PNCK: variants seen among roughly 807,000 people sequenced by gnomAD.
The protein encoded by PNCK is calcium/calmodulin-dependent protein kinase type 1B.
Under a neutral mutation model 28.3 loss-of-function variants are expected in PNCK, and 21 were observed. That is an observed-to-expected ratio of 0.74 (90% CI 0.53 to 1.07). The LOEUF is 1.07. Among genes scored for constraint, PNCK ranks in the 50% least tolerant of loss-of-function variants. The probability of loss-of-function intolerance (pLI) is 0.00; values close to 1 mark genes in which losing one functional copy is unlikely to be tolerated. For missense variants in PNCK, 250 were observed against 298.3 expected (o/e 0.84, Z 1.19); for synonymous variants, 136 against 125.2 (o/e 1.09, Z -0.58).
chrX:153,672,753 G>A, intron 2 of PNCK, 56 bp from the exon 3 acceptor site: 1 of 1,149,947 alleles, frequency 8.7e-7, no homozygotes, highest in Non-Finnish European at 1.2e-6. Flanking sequence ...AGGAGAGGCA[G>A]GAGGGAGAGA....
At chrX:153,672,824 A>G (rs782471479) in intron 2 of PNCK, 127 bp from the exon 3 acceptor site, 13 of 920,787 alleles carry the variant, frequency 1.4e-5, no homozygotes, top group Non-Finnish European at 1.8e-5. Flanking sequence ...GCCCTGTGCC[A>G]CCCCCCACCA....
At chrX:153,677,375 A>G (rs781824226), upstream of PNCK, among the ~76,000 whole-genome samples, 3 of 109,971 alleles carry the variant, frequency 2.7e-5, no homozygotes, top group African/African-American at 9.9e-5. Flanking sequence ...AACCGGTCCT[A>G]GAAGCAGCCG....
intron 1 of PNCK, among the ~76,000 whole-genome samples, chrX:153,681,428 C>A (rs1472052710): frequency 9.0e-6 from 1 of 111,616 alleles, no homozygotes; most frequent in Admixed American, 9.5e-5. Flanking sequence ...AGGCGCTTCA[C>A]CCCCGTGGTC....
chrX:153,669,848 GAC>G lies in PNCK; in HGVS notation c.*288_*289del, dbSNP rs2091270255. On this transcript the variant is annotated 3_prime_UTR_variant, in exon 12 of 12. Transcript: ENST00000340888. ...AAGCACACAACAGCCGTGCAGGAAAGACAGCCCCTGAGGCCCGCCTGCCAGCA... is the reference window on the plus strand; with the variant it reads ...AAGCACACAACAGCCGTGCAGGAAAGAGCCCCTGAGGCCCGCCTGCCAGCA... The G allele has an allele frequency of 8.8e-6, 3 of 342,802 alleles. No homozygotes were observed. The highest frequency in any genetic ancestry group is 1.8e-5 in the Non-Finnish European group (3 of 170,253). The allele number at this position is 342,802 out of a possible 1,213,427, so 28.3% of individuals were successfully genotyped here.
intron 1 of PNCK, among the ~76,000 whole-genome samples, chrX:153,680,138 T>C (rs1443292233): frequency 1.8e-5 from 2 of 110,069 alleles, no homozygotes; most frequent in Non-Finnish European, 3.8e-5. Flanking sequence ...TTGAAATGTA[T>C]GTGTGTTGGT....
chrX:153,685,145 G>A (rs781940496), intron 1 of PNCK, among the ~76,000 whole-genome samples: 7 of 107,047 alleles, frequency 6.5e-5, no homozygotes, highest in East Asian at 6.1e-4. Flanking sequence ...AAGGGCTGGC[G>A]GGGGACAGCT....
intron 11 of PNCK, 33 bp downstream of exon 11, chrX:153,670,417 G>A (rs2091279070): frequency 1.7e-6 from 2 of 1,208,637 alleles, no homozygotes; most frequent in African/African-American, 3.5e-5. Context: ...CAAGGAGCCA[G>A]CTCCTGGGCG....
rs1557039369 is a variant in PNCK at position 153,670,608 on chromosome X, G to C, written c.895-14C>G. 8.3e-7 allele frequency: 1 copy of C among 1,207,637 alleles called. No individual in the cohort carries two copies. Among genetic ancestry groups the C allele is most frequent in the Admixed American group, 2.2e-5 (1 of 45,924 alleles). On this transcript the variant is annotated splice_polypyrimidine_tract_variant and intron_variant, in intron 10 of 11. Transcript: ENST00000340888. ...ATTGAAGGCTCGCTGCCAGAAGAGA[G>C]GGAGATCAGGCCAGGCCTGGGCCCA...
At position 153,673,133 on chromosome X, in the gene PNCK, G is replaced by C. The variant is rs1484490191; in HGVS notation, c.-2-55C>G. 5.7e-5 allele frequency: 67 copies of C among 1,174,393 alleles called. No individual in the cohort carries two copies. In the South Asian group the frequency reaches 1.2e-3, roughly 20 times the overall value. ...TCTCTCCCCGCCCCGCCGGGGGCAAGGGCAGCTTCCTCCTCCACCCCCTGC... is the reference window on the plus strand; with the variant it reads ...TCTCTCCCCGCCCCGCCGGGGGCAACGGCAGCTTCCTCCTCCACCCCCTGC... On this transcript the variant is annotated intron_variant, in intron 1 of 11. Transcript: ENST00000340888.
At chrX:153,684,522 G>A (rs956834750) in intron 1 of PNCK, among the ~76,000 whole-genome samples, 2 of 102,645 alleles carry the variant, frequency 1.9e-5, no homozygotes, top group African/African-American at 3.6e-5. Context: ...GCAGCCGCAC[G>A]TCGGCCCCCT....
At chrX:153,682,114 G>A (rs782231234) in intron 1 of PNCK, among the ~76,000 whole-genome samples, 23 of 110,601 alleles carry the variant, frequency 2.1e-4, no homozygotes, top group Non-Finnish European at 3.4e-4. Context: ...CCAGCCTCCC[G>A]AGTAACTGGG....
upstream of PNCK, among the ~76,000 whole-genome samples, chrX:153,677,016 T>G (rs1446043099): frequency 8.9e-6 from 1 of 111,957 alleles, no homozygotes; most frequent in Non-Finnish European, 1.9e-5. Context: ...CTCCGCTCAC[T>G]ACGACCTCCG....
At chrX:153,671,509 C>T in intron 6 of PNCK, 40 bp downstream of exon 6, 1 of 1,211,053 alleles carries the variant, frequency 8.3e-7, no homozygotes, top group Admixed American at 2.2e-5. Flanking sequence ...GTCCCCCAGG[C>T]CACCCCACTC....
intron 1 of PNCK, among the ~76,000 whole-genome samples, chrX:153,682,076 C>T (rs1047883269): frequency 3.6e-5 from 4 of 111,482 alleles, no homozygotes; most frequent in Non-Finnish European, 7.5e-5. Context: ...GCAACCTCCG[C>T]CTCCTGGGTT....
Position 153,672,637 on chromosome X carries a change from G to A in PNCK, c.129C>T (p.Leu43=). 8.3e-7 allele frequency: 1 copy of A among 1,205,893 alleles called. No homozygotes were observed. The highest frequency in any genetic ancestry group is 3.0e-5 in the East Asian group (1 of 33,744). Residue 43 remains leucine (L), a synonymous_variant, in exon 3 of 12, where the codon CTC becomes CTT. Coordinates refer to ENST00000340888, the MANE Select transcript of PNCK (RefSeq NM_001366977.1). The part of the protein sequence containing the change: ...QERGSAHLVA[L]KCIPKKALRG... ...GGAGGGCCTTCTTGGGGATGCACTT[G>A]AGGGCCACGAGGTGTGCGGAGCCCC...
intron 10 of PNCK, 73 bp downstream of exon 10, chrX:153,670,671 C>T: frequency 8.4e-7 from 1 of 1,190,337 alleles, no homozygotes. Context: ...GCAGTGGTCA[C>T]TGGGCAGCCA....
Position 153,670,905 on chromosome X carries a change from G to C in PNCK, c.806+13C>G, listed in dbSNP as rs111325769. On this transcript the variant is annotated intron_variant, in intron 9 of 11. Coordinates refer to ENST00000340888, the MANE Select transcript of PNCK (RefSeq NM_001366977.1). ...CCCTGGCCCTGGGGCAGCTCAGCAG[G>C]GCTCCCACTCACCAAAGGTGCCGCA... is the stretch of plus-strand genomic sequence containing the variant. 1.6e-3 allele frequency: 1,888 copies of C among 1,210,728 alleles called. 18 individuals carry two copies. The African/African-American group carries it at 0.029, about 19-fold the overall frequency.
At chrX:153,674,900 T>C (rs2091356562), upstream of PNCK, 1 of 111,656 alleles carries the variant, frequency 9.0e-6, no homozygotes, top group African/African-American at 3.3e-5. Context: ...AAAAATCATT[T>C]TTCCAGACCT....
At chrX:153,678,972 A>T (rs952653640), upstream of PNCK, among the ~76,000 whole-genome samples, 2 of 110,999 alleles carry the variant, frequency 1.8e-5, no homozygotes, top group Admixed American at 1.9e-4. Context: ...ATGGGTTCAT[A>T]GCTTTCCCCT....
Sources: allele counts gnomAD v4.1 joint callset (sites outside exome capture counted in the v4.1 genomes callset), GRCh38; gene constraint gnomAD v4.1.1; transcripts MANE v1.5; gene names NCBI Gene and HGNC (gene_info 2026-07-23, HGNC 2026-07-21).